USH2A: variants seen among roughly 807,000 people sequenced by gnomAD.
The protein encoded by USH2A is Usher syndrome 2A (autosomal recessive, mild).
Under a neutral mutation model 538.9 loss-of-function variants are expected in USH2A, and 443 were observed. That is an observed-to-expected ratio of 0.82 (90% confidence interval 0.76 to 0.89). The LOEUF is 0.89. USH2A is among the 40% of genes least tolerant of loss of function. The pLI, the probability that USH2A is intolerant of heterozygous loss-of-function variation, is 0.00. For synonymous variants in USH2A, 2,413 were observed against 2,273.5 expected (o/e 1.06, Z -1.75); for missense variants, 6,633 against 6,324.8 (o/e 1.05, Z -1.65).
intron 38 of USH2A, among the ~76,000 whole-genome samples, chr1:215,908,511 C>A (rs1240152841): frequency 6.6e-6 from 1 of 151,706 alleles, no homozygotes; most frequent in Admixed American, 6.6e-5. Flanking sequence ...GATTATAAAA[C>A]AAATGAAGAA....
intron 3 of USH2A, among the ~76,000 whole-genome samples, chr1:216,417,369 A>G (rs1171059495): frequency 1.3e-5 from 2 of 152,086 alleles, no homozygotes; most frequent in Admixed American, 6.6e-5. Flanking sequence ...CACTGGATGG[A>G]TGCTCATATG....
chr1:215,864,736 C>T (rs1014504741), intron 44 of USH2A, among the ~76,000 whole-genome samples: 4 of 152,170 alleles, frequency 2.6e-5, no homozygotes, highest in Non-Finnish European at 4.4e-5. Flanking sequence ...TTTGCAACAT[C>T]TGCCTTCCAA....
Position 216,196,639 on chromosome 1 carries a change from C to T in USH2A, c.4165G>A (p.Val1389Ile). The T allele has an allele frequency of 3.1e-6, 5 of 1,613,558 alleles. No homozygotes were observed. The highest frequency in any genetic ancestry group is 2.7e-5 in the African/African-American group (2 of 75,006). Residue 1389 changes from valine to isoleucine, a missense_variant, in exon 19 of 72, where the codon GTT becomes ATT. Val to Ile is a conservative substitution (Grantham distance 29). Transcript: ENST00000307340. The part of the protein sequence containing the change: ...NISWEKPADN[V>I]TRGKVVGYDI... ...TACCCCACAACTTTTCCTCTTGTAA[C>T]ATTATCTGCTGGCTTCTCCCAGGAG... is the stretch of plus-strand genomic sequence containing the variant.
chr1:216,022,986 G>C (rs1316659988), intron 32 of USH2A, among the ~76,000 whole-genome samples: 1 of 152,126 alleles, frequency 6.6e-6, no homozygotes, highest in Non-Finnish European at 1.5e-5. Flanking sequence ...TGTCCAGCTT[G>C]ATCCTAAGTG....
intron 61 of USH2A, among the ~76,000 whole-genome samples, chr1:215,692,631 T>C (rs890812501): frequency 6.6e-6 from 1 of 152,156 alleles, no homozygotes; most frequent in Non-Finnish European, 1.5e-5. Context: ...AATCATTGCA[T>C]GCTTAGCTCT....
At chr1:216,265,964 AATAAATTCCTGTGTTTTAT>A (rs1216361959) in intron 11 of USH2A, among the ~76,000 whole-genome samples, 2 of 152,080 alleles carry the variant, frequency 1.3e-5, no homozygotes, top group Non-Finnish European at 2.9e-5. Flanking sequence ...AGGTAAGAAG[AATAAATTCCTGTGTTTTAT>A]AGTACTGTAT....
chr1:216,103,996 C>T (rs2032659313), intron 21 of USH2A, among the ~76,000 whole-genome samples: 1 of 152,088 alleles, frequency 6.6e-6, no homozygotes, highest in African/African-American at 2.4e-5. Context: ...TTGGCATTCT[C>T]TAAGTTAAAC....
intron 21 of USH2A, among the ~76,000 whole-genome samples, chr1:216,165,994 T>C (rs1174614628): frequency 6.6e-6 from 1 of 152,066 alleles, no homozygotes; most frequent in East Asian, 1.9e-4. Flanking sequence ...CCAAAGTCCA[T>C]TGTATCATCG....
chr1:215,687,534 C>A (rs1658470673), intron 61 of USH2A, among the ~76,000 whole-genome samples: 1 of 151,976 alleles, frequency 6.6e-6, no homozygotes, highest in Non-Finnish European at 1.5e-5. Context: ...AATGATGCTT[C>A]AGTTACCATA....
At chr1:216,419,190 T>A (rs2039633012) in intron 2 of USH2A, among the ~76,000 whole-genome samples, 1 of 152,066 alleles carries the variant, frequency 6.6e-6, no homozygotes, top group Non-Finnish European at 1.5e-5. Context: ...ACAGCTATAG[T>A]CTCTACTCAC....
At chr1:216,281,149 T>C (rs1026073532) in intron 11 of USH2A, among the ~76,000 whole-genome samples, 1 of 152,128 alleles carries the variant, frequency 6.6e-6, no homozygotes. Context: ...ACTTGGAGCA[T>C]GAGAAAATAA....
At chr1:216,023,310 T>C (rs1668881964) in intron 32 of USH2A, among the ~76,000 whole-genome samples, 1 of 151,846 alleles carries the variant, frequency 6.6e-6, no homozygotes, top group African/African-American at 2.4e-5. Context: ...GACAATGTCT[T>C]TAAAGCATGG....
Position 215,768,981 on chromosome 1 carries a change from G to T in USH2A, c.10940-2193C>A, listed in dbSNP as rs539224851. Among the ~76,000 whole-genome samples, 7 of 152,274 alleles carry T rather than the reference G, an allele frequency of 4.6e-5. No homozygotes were observed. The East Asian group carries it at 1.2e-3, about 25-fold the overall frequency. ...CCCATCATAGTGTCCCATAAGGATTGCAGGGATATGAGGCTACGATGTTTA... is the reference window on the plus strand; with the variant it reads ...CCCATCATAGTGTCCCATAAGGATTTCAGGGATATGAGGCTACGATGTTTA... On this transcript the variant is annotated intron_variant, in intron 55 of 71. Transcript: ENST00000307340.
At chr1:215,637,897 A>G (rs960294005) in intron 69 of USH2A, among the ~76,000 whole-genome samples, 2 of 152,184 alleles carry the variant, frequency 1.3e-5, no homozygotes, top group African/African-American at 4.8e-5. Context: ...TAGGATATCA[A>G]TCCCGAATCT....
chr1:216,384,661 C>T (rs2038974832), intron 3 of USH2A, among the ~76,000 whole-genome samples: 1 of 151,930 alleles, frequency 6.6e-6, no homozygotes, highest in South Asian at 2.1e-4. Flanking sequence ...TTTTTAGTGG[C>T]CTCAATCCAC....
At position 216,370,677 on chromosome 1, in the gene USH2A, C is replaced by CAAAAAAA. The variant is rs58845914; in HGVS notation, c.652-5599_652-5593dup. On this transcript the variant is annotated intron_variant, in intron 3 of 71. Transcript: ENST00000307340. ...TGGGGAACAGAGCCAGACTCTGTCT[C>CAAAAAAA]AAAAAAAAAAAAAAAAAAAAAAAAA... 7.3e-4 allele frequency among the ~76,000 whole-genome samples: 22 copies of CAAAAAAA among 29,996 alleles called. 3 individuals are homozygous for CAAAAAAA. Among genetic ancestry groups the CAAAAAAA allele is most frequent in the South Asian group, 6.5e-3 (2 of 306 alleles). The allele number at this position is 29,996 out of a possible 152,430, so 19.7% of individuals were successfully genotyped here. A position where few individuals can be genotyped will look rare whatever the true frequency, so the allele number is the denominator to read the frequency against.
chr1:215,721,101 T>C (rs114053361), intron 61 of USH2A, among the ~76,000 whole-genome samples: 10,901 of 152,010 alleles, frequency 0.072, 433 homozygotes, highest in South Asian at 0.094. Context: ...TTGAGACAGG[T>C]TCTTGCCCTG....
intron 11 of USH2A, among the ~76,000 whole-genome samples, chr1:216,262,727 A>G (rs1045174705): frequency 6.6e-6 from 1 of 152,090 alleles, no homozygotes; most frequent in Non-Finnish European, 1.5e-5. Flanking sequence ...AGGAAGCTCA[A>G]AAGTTCCCAA....
rs187565227 is a variant in USH2A at position 215,686,400 on chromosome 1, T to C, written c.12067-6024A>G. Among the ~76,000 whole-genome samples the C allele has an allele frequency of 2.0e-5, 3 of 151,946 alleles. No individual in the cohort carries two copies. In the East Asian group the frequency reaches 5.8e-4, roughly 29 times the overall value. On this transcript the variant is annotated intron_variant, in intron 61 of 71. Coordinates refer to ENST00000307340, the MANE Select transcript of USH2A (RefSeq NM_206933.4). Reference sequence around the variant, plus strand: ...GATGTAGAATTTGAGCAGATAAAAATAGATGAAGGATTAGAAGAAGGAACA... The same window carrying C: ...GATGTAGAATTTGAGCAGATAAAAACAGATGAAGGATTAGAAGAAGGAACA...
Sources: gnomAD v4.1 joint callset for allele counts (sites outside exome capture counted in the v4.1 genomes callset) on GRCh38, gnomAD v4.1.1 for gene constraint, MANE v1.5 for transcripts, NCBI Gene and HGNC (gene_info 2026-07-23, HGNC 2026-07-21) for gene names.